ZNF143: variants seen among roughly 807,000 people sequenced by gnomAD.
The protein encoded by ZNF143 is zinc finger protein 143.
Under a neutral mutation model 74.1 loss-of-function variants are expected in ZNF143, and 49 were observed. The ratio of observed to expected loss-of-function variants is 0.66; its 90% CI spans 0.53 to 0.84. The LOEUF (loss-of-function observed/expected upper bound fraction) is 0.84, where lower values mean the gene tolerates loss of function less well. Ranked by LOEUF, ZNF143 falls within the 40% of genes least tolerant of loss-of-function variation. ZNF143 has a pLI of 0.00. For synonymous variants in ZNF143, 304 were observed against 282.8 expected (o/e 1.07, Z -0.75); for missense variants, 637 against 793.4 (o/e 0.80, Z 2.37).
chr11:9,472,978 A>G (rs1311423628), intron 3 of ZNF143, among the ~76,000 whole-genome samples: 4 of 149,366 alleles, frequency 2.7e-5, no homozygotes, highest in Non-Finnish European at 5.9e-5. Context: ...ACCCTGGGAT[A>G]TCAAAATTAG....
rs2134154939 is a variant in ZNF143, at chr11:9,508,861, T to C, written c.1375+15T>C. The stretch of plus-strand genomic sequence containing the variant: ...GCCGCCCCCAGGTGAGAGTTTTGTC[T>C]ACTATATTTTGTTTCTGAGTTTGAG... On this transcript the variant is annotated intron_variant, in intron 12 of 15. Transcript: ENST00000396602. 6.4e-7 allele frequency: 1 copy of C among 1,556,260 alleles called. No individual in the cohort carries two copies. Among genetic ancestry groups the C allele is most frequent in the Non-Finnish European group, 8.7e-7 (1 of 1,148,854 alleles).
chr11:9,487,832 A>G (rs553541376), intron 7 of ZNF143, among the ~76,000 whole-genome samples: 2 of 152,214 alleles, frequency 1.3e-5, no homozygotes, highest in Non-Finnish European at 2.9e-5. Flanking sequence ...CAGAGACTGC[A>G]CATATCTCAT....
chr11:9,469,261 C>T (rs796080074), intron 1 of ZNF143, among the ~76,000 whole-genome samples: 2 of 128,264 alleles, frequency 1.6e-5, no homozygotes, highest in African/African-American at 5.9e-5. Flanking sequence ...TACGGAGTTT[C>T]GCTCTTGTTG....
intron 10 of ZNF143, among the ~76,000 whole-genome samples, chr11:9,499,657 A>G (rs1474430231): frequency 6.6e-6 from 1 of 152,204 alleles, no homozygotes; most frequent in Non-Finnish European, 1.5e-5. Context: ...GTGTGCAACC[A>G]TCGTGCCTGT....
At chr11:9,461,751 T>C (rs1404974899) in intron 1 of ZNF143, 3 of 152,222 alleles carry the variant, frequency 2.0e-5, no homozygotes, top group Non-Finnish European at 2.9e-5. Context: ...CTTATAAGTC[T>C]CTTTGAAACG....
chr11:9,499,706 ACTCAT>A (rs1848088872), intron 10 of ZNF143, among the ~76,000 whole-genome samples: 1 of 152,138 alleles, frequency 6.6e-6, no homozygotes, highest in African/African-American at 2.4e-5. Context: ...ACATAGTGAG[ACTCAT>A]CTCTTAAAAA....
At position 9,519,183 on chromosome 11, in the gene ZNF143, C is replaced by G. The variant is rs1433261587; in HGVS notation, c.1686+2821C>G. ...ATAGTCAGTACTCACTCTCCTTAGG[C>G]AAAAACTGTTGTGATTGAATTAGTT... is the stretch of plus-strand genomic sequence containing the variant. On this transcript the variant is annotated intron_variant, in intron 14 of 15. Transcript: ENST00000396602. Among the ~76,000 whole-genome samples the G allele has an allele frequency of 2.6e-5, 4 of 151,690 alleles. No individual in the cohort carries two copies. The East Asian group carries it at 5.8e-4, about 22-fold the overall frequency.
chr11:9,520,025 A>ATTTTTTTTTTTTTTTTTTTTT (rs954404348), intron 14 of ZNF143, among the ~76,000 whole-genome samples: 1 of 91,386 alleles, frequency 1.1e-5, no homozygotes, highest in African/African-American at 4.8e-5. Context: ...GTTTCCACCA[A>ATTTTTTTTTTTTTTTTTTTTT]TTTTTTTTTT....
At chr11:9,504,938 G>A (rs1327969218) in intron 11 of ZNF143, among the ~76,000 whole-genome samples, 1 of 117,362 alleles carries the variant, frequency 8.5e-6, no homozygotes, top group Non-Finnish European at 2.0e-5. Context: ...CTCCCAAAGT[G>A]CTGGGATTAC....
intron 4 of ZNF143, 46 bp downstream of exon 4, chr11:9,474,070 CTT>C: frequency 1.3e-6 from 2 of 1,487,854 alleles, no homozygotes; most frequent in East Asian, 4.5e-5. Flanking sequence ...TAATTCTCAG[CTT>C]TTAGTATTTG....
chr11:9,516,221 C>T lies in ZNF143; in HGVS notation c.1545C>T (p.Asp515=), dbSNP rs1331395466. 1.2e-6 allele frequency: 2 copies of T among 1,613,846 alleles called. No homozygotes were observed. The highest frequency in any genetic ancestry group is 2.7e-5 in the African/African-American group (2 of 74,914). Residue 515 remains aspartate (D), a synonymous_variant, in exon 14 of 16, where the codon GAC becomes GAT. Coordinates refer to ENST00000396602, the MANE Select transcript of ZNF143 (RefSeq NM_003442.6). ...TGCAGGTCAACATATCTCAAGCTGA[C>T]ATGCAGGCCATTGGCAACACCATCA... is the stretch of plus-strand genomic sequence containing the variant. ...GTQHVNISQA[D]MQAIGNTITM... is the part of the protein sequence containing the mutation.
chr11:9,489,743 T>C (rs914640168), intron 7 of ZNF143, among the ~76,000 whole-genome samples: 37 of 152,202 alleles, frequency 2.4e-4, no homozygotes, highest in African/African-American at 8.7e-4. Context: ...CATTTCATAG[T>C]GCTGTTAGAA....
At chr11:9,464,793 G>T (rs1335717842) in intron 1 of ZNF143, among the ~76,000 whole-genome samples, 1 of 150,728 alleles carries the variant, frequency 6.6e-6, no homozygotes, top group Admixed American at 6.6e-5. Flanking sequence ...CATGGTGGCG[G>T]GCACCTGTAA....
At chr11:9,516,110 A>G (rs901155121) in intron 13 of ZNF143, 91 bp from the exon 14 acceptor site, 1 of 1,261,624 alleles carries the variant, frequency 7.9e-7, no homozygotes, top group Non-Finnish European at 1.1e-6. Flanking sequence ...CCACAGGGCA[A>G]ACTTATACAA....
intron 7 of ZNF143, among the ~76,000 whole-genome samples, chr11:9,489,559 A>G (rs1847691904): frequency 6.6e-6 from 1 of 152,068 alleles, no homozygotes; most frequent in East Asian, 1.9e-4. Flanking sequence ...AATTCCTGGT[A>G]TATGTTTCAT....
chr11:9,518,577 G>A (rs1013344614), intron 14 of ZNF143, among the ~76,000 whole-genome samples: 13 of 152,112 alleles, frequency 8.5e-5, no homozygotes, highest in Admixed American at 2.0e-4. Context: ...TTAGCCAGGC[G>A]TGGTGGCAGG....
intron 2 of ZNF143, among the ~76,000 whole-genome samples, chr11:9,472,254 C>T (rs1249328974): frequency 6.6e-6 from 1 of 151,536 alleles, no homozygotes; most frequent in Admixed American, 6.6e-5. Context: ...CTAAATCTCA[C>T]TTTTTTTCTT....
intron 5 of ZNF143, among the ~76,000 whole-genome samples, chr11:9,476,867 C>G (rs2133899901): frequency 1.4e-5 from 2 of 144,190 alleles, no homozygotes; most frequent in Middle Eastern, 7.2e-3. Context: ...TCACACCATT[C>G]TCCTGCCTCA....
chr11:9,494,320 T>C (rs1208859969), intron 7 of ZNF143, among the ~76,000 whole-genome samples: 2 of 152,196 alleles, frequency 1.3e-5, no homozygotes, highest in African/African-American at 2.4e-5. Context: ...GATTGATTGA[T>C]TGAGACAGGT....
Sources: allele counts gnomAD v4.1 joint callset (sites outside exome capture counted in the v4.1 genomes callset), GRCh38; gene constraint gnomAD v4.1.1; transcripts MANE v1.5; gene names NCBI Gene and HGNC (gene_info 2026-07-23, HGNC 2026-07-21).